CCDC85C: variants seen among roughly 807,000 people sequenced by gnomAD.
CCDC85C encodes the protein coiled-coil domain containing 85C.
In CCDC85C, 18 loss-of-function variants were observed where a neutral mutation model predicts 38.3. The ratio of observed to expected loss-of-function variants is 0.47; its 90% CI spans 0.33 to 0.70. CCDC85C has a LOEUF of 0.70. Among genes scored for constraint, CCDC85C ranks in the 30% least tolerant of loss-of-function variants. The pLI, the probability that CCDC85C is intolerant of heterozygous loss-of-function variation, is 0.03. For synonymous variants in CCDC85C, 264 were observed against 293.8 expected (o/e 0.90, Z 1.04); for missense variants, 566 against 621.2 (o/e 0.91, Z 0.94).
chr14:99,522,421 C>A lies in CCDC85C; in HGVS notation c.868-181G>T, dbSNP rs563052846. ...GCCGGGATCAATCGATCTTCACTCT[C>A]CCCAGCTCAAATGTCAGCGATCCAC... On this transcript the variant is annotated intron_variant, in intron 2 of 5. Coordinates refer to ENST00000380243, the MANE Select transcript of CCDC85C (RefSeq NM_001144995.2). 3 of 538,818 alleles carry A rather than the reference C, an allele frequency of 5.6e-6. No homozygotes were observed. The East Asian group carries it at 9.2e-5, about 16-fold the overall frequency. The allele number at this position is 538,818 out of a possible 1,614,324, so 33.4% of individuals were successfully genotyped here.
intron 1 of CCDC85C, among the ~76,000 whole-genome samples, chr14:99,538,068 C>G (rs572811779): frequency 6.6e-6 from 1 of 152,314 alleles, no homozygotes; most frequent in Admixed American, 6.5e-5. Flanking sequence ...TGGGGTCTCC[C>G]TCTGGGTGGA....
At position 99,548,414 on chromosome 14, in the gene CCDC85C, C is replaced by T. The variant is rs1275532436; in HGVS notation, c.794-12326G>A. Among the ~76,000 whole-genome samples, 1 of 152,042 alleles carries T rather than the reference C, an allele frequency of 6.6e-6. No homozygotes were observed. The highest frequency in any genetic ancestry group is 2.4e-5 in the African/African-American group (1 of 41,394). ...CTGTGTGACGGTGCACACGTAAGAA[C>T]GGGCCACACAGGGGATGCTGATGAT... On this transcript the variant is annotated intron_variant, in intron 1 of 5. Coordinates refer to ENST00000380243, the MANE Select transcript of CCDC85C (RefSeq NM_001144995.2). This position sits in a 1 kb window ranked among gnomAD's most constrained non-coding sequence, Gnocchi z 4.9.
At position 99,572,893 on chromosome 14, in the gene CCDC85C, C is replaced by A; in HGVS notation, c.793+30274G>T. ...AAGGAATGTCTGCCCAAGTCCCAGG[C>A]AGGGTGGGAGGCACGGACCTGAGGC... On this transcript the variant is annotated intron_variant, in intron 1 of 5. Coordinates refer to ENST00000380243, the MANE Select transcript of CCDC85C (RefSeq NM_001144995.2). The surrounding 1 kb of genome is among the most constrained non-coding windows in gnomAD (Gnocchi z 4.4). 4.4e-6 allele frequency: 2 copies of A among 450,582 alleles called. No homozygotes were observed. The highest frequency in any genetic ancestry group is 1.6e-5 in the South Asian group (1 of 63,910). The allele number at this position is 450,582 out of a possible 1,614,324, so 27.9% of individuals were successfully genotyped here. A position where few individuals can be genotyped will look rare whatever the true frequency, so the allele number is the denominator to read the frequency against.
Position 99,503,127 on chromosome 14 carries a change from G to C in CCDC85C, c.*12119C>G. On this transcript the variant is annotated 3_prime_UTR_variant, in exon 6 of 6. Coordinates refer to ENST00000380243, the MANE Select transcript of CCDC85C (RefSeq NM_001144995.2). The stretch of plus-strand genomic sequence containing the variant: ...GAAACTCGCAGTCCGACTGCTTGTC[G>C]GTGGGGAGCCTGAAAACAAAGGTGC... 1.0e-6 allele frequency: 1 copy of C among 957,638 alleles called. No individual in the cohort carries two copies. Among genetic ancestry groups the C allele is most frequent in the South Asian group, 1.3e-5 (1 of 75,500 alleles). The allele number at this position is 957,638 out of a possible 1,614,324, so 59.3% of individuals were successfully genotyped here. A position where few individuals can be genotyped will look rare whatever the true frequency, so the allele number is the denominator to read the frequency against.
chr14:99,566,911 GGCCT>G (rs1041102098), intron 1 of CCDC85C, among the ~76,000 whole-genome samples: 11 of 152,178 alleles, frequency 7.2e-5, no homozygotes, highest in African/African-American at 1.4e-4. Flanking sequence ...TCAAGGTGGC[GGCCT>G]GCCGTGCCCT....
rs1256959978 is a variant in CCDC85C, at chr14:99,544,181, T to G, written c.794-8093A>C. Among the ~76,000 whole-genome samples the G allele has an allele frequency of 2.0e-5, 3 of 152,160 alleles. No individual in the cohort carries two copies. The highest frequency in any genetic ancestry group is 4.4e-5 in the Non-Finnish European group (3 of 68,026). On this transcript the variant is annotated intron_variant, in intron 1 of 5. Coordinates refer to ENST00000380243, the MANE Select transcript of CCDC85C (RefSeq NM_001144995.2). This position sits in a 1 kb window ranked among gnomAD's most constrained non-coding sequence, Gnocchi z 5.3. ...ACAAGGCGCCTGAGACTCAGCGATG[T>G]TAGGCAGCAAGGCCAAGGTCACCCG...
intron 1 of CCDC85C, among the ~76,000 whole-genome samples, chr14:99,587,762 C>T (rs1410116405): frequency 6.6e-6 from 1 of 152,192 alleles, no homozygotes; most frequent in Non-Finnish European, 1.5e-5. Context: ...CTGAGGACCC[C>T]TGTGCCCCCT....
At chr14:99,566,866 C>A (rs1898224904) in intron 1 of CCDC85C, among the ~76,000 whole-genome samples, 2 of 152,038 alleles carry the variant, frequency 1.3e-5, no homozygotes, top group Non-Finnish European at 2.9e-5. Context: ...CCTGCACCCT[C>A]TACTGAAGGG....
Position 99,517,801 on chromosome 14 carries a change from C to G in CCDC85C, c.976-618G>C, listed in dbSNP as rs144086889. Among the ~76,000 whole-genome samples the G allele has an allele frequency of 7.3e-4, 111 of 152,326 alleles. 1 individual carries two copies. Among genetic ancestry groups the G allele is most frequent in the Middle Eastern group, 3.4e-3 (1 of 294 alleles). On this transcript the variant is annotated intron_variant, in intron 3 of 5. Coordinates refer to ENST00000380243, the MANE Select transcript of CCDC85C (RefSeq NM_001144995.2). ...ACCCAGGGGCAGGCAGTCCCACCCC[C>G]AGCTTCCTGCCTGGAAGGGTCCATG...
intron 1 of CCDC85C, among the ~76,000 whole-genome samples, chr14:99,555,536 G>A (rs1483962283): frequency 6.6e-6 from 1 of 152,222 alleles, no homozygotes; most frequent in Non-Finnish European, 1.5e-5. Context: ...ATAAGAGCCA[G>A]GGATTACAGC....
rs563986283 is a variant in CCDC85C, at chr14:99,533,678, C to T, written c.867+2337G>A. Among the ~76,000 whole-genome samples, 1 of 152,348 alleles carries T rather than the reference C, an allele frequency of 6.6e-6. No homozygotes were observed. Among genetic ancestry groups the T allele is most frequent in the South Asian group, 2.1e-4 (1 of 4,834 alleles). On this transcript the variant is annotated intron_variant, in intron 2 of 5. Coordinates refer to ENST00000380243, the MANE Select transcript of CCDC85C (RefSeq NM_001144995.2). This position sits in a 1 kb window ranked among gnomAD's most constrained non-coding sequence, Gnocchi z 4.2. ...TGTGAACAGAGCCCTGCTGCTACCCCCAGGGAGCTGGTGGGAGCAGGCCTG... is the reference window on the plus strand; with the variant it reads ...TGTGAACAGAGCCCTGCTGCTACCCTCAGGGAGCTGGTGGGAGCAGGCCTG...
chr14:99,571,673 G>A (rs1276052691), intron 1 of CCDC85C, among the ~76,000 whole-genome samples: 2 of 152,212 alleles, frequency 1.3e-5, no homozygotes, highest in Non-Finnish European at 2.9e-5. Context: ...TAAGATTTAC[G>A]ATGCCAGCAA....
chr14:99,526,729 C>T (rs886784121), intron 2 of CCDC85C, among the ~76,000 whole-genome samples: 1 of 152,194 alleles, frequency 6.6e-6, no homozygotes, highest in Non-Finnish European at 1.5e-5. Context: ...GTCTGGGTGC[C>T]GAGTAATAAA....
chr14:99,603,196 T>C lies in CCDC85C; in HGVS notation c.764A>G (p.His255Arg). Residue 255 changes from histidine (H) to arginine (R), a missense_variant, in exon 1 of 6, where the codon CAC becomes CGC. Physicochemically the swap from His to Arg is conservative, Grantham distance 29. Around this residue, in one of 3 missense-constraint regions of CCDC85C, gnomAD observed 286 missense variants for 276.4 expected, o/e 1.03. Coordinates refer to ENST00000380243, the MANE Select transcript of CCDC85C (RefSeq NM_001144995.2). This position sits in a 1 kb window ranked among gnomAD's most constrained non-coding sequence, Gnocchi z 7.5. ...RSLDDLSAPP[H>R]HRSIPNGLHD... is the part of the protein sequence containing the mutation. ...CAGGCCGTTGGGGATGCTGCGGTGG[T>C]GCGGCGGCGCCGACAAGTCGTCCAG... is the stretch of plus-strand genomic sequence containing the variant. 2 of 1,422,604 alleles carry C rather than the reference T, an allele frequency of 1.4e-6. No homozygotes were observed. The highest frequency in any genetic ancestry group is 2.8e-5 in the Admixed American group (1 of 36,136). The allele number at this position is 1,422,604 out of a possible 1,614,324, so 88.1% of individuals were successfully genotyped here. A position where few individuals can be genotyped will look rare whatever the true frequency, so the allele number is the denominator to read the frequency against.
At chr14:99,531,507 A>G (rs539452462) in intron 2 of CCDC85C, among the ~76,000 whole-genome samples, 1 of 149,544 alleles carries the variant, frequency 6.7e-6, no homozygotes, top group Admixed American at 6.8e-5. Flanking sequence ...ACGAACAGCA[A>G]TACAGTAATT....
Position 99,510,468 on chromosome 14 carries a change from G to A in CCDC85C, c.*4778C>T. 2 of 1,414,826 alleles carry A rather than the reference G, an allele frequency of 1.4e-6. No homozygotes were observed. The highest frequency in any genetic ancestry group is 2.7e-5 in the East Asian group (1 of 37,600). 87.6% of individuals were successfully genotyped at this position (1,414,826 alleles called of 1,614,324 possible). ...TGCACACCTGCCCTACCACCCCCAT[G>A]TCTACCCGCCCAACCCGCCCCCGCC... On this transcript the variant is annotated 3_prime_UTR_variant, in exon 6 of 6. Transcript: ENST00000380243.
At chr14:99,596,424 C>T (rs995579577) in intron 1 of CCDC85C, among the ~76,000 whole-genome samples, 15 of 152,172 alleles carry the variant, frequency 9.9e-5, no homozygotes, top group African/African-American at 2.9e-4. Flanking sequence ...ACATGCTCCA[C>T]GCCTCTGTTT....
At chr14:99,566,212 T>C (rs905596913) in intron 1 of CCDC85C, among the ~76,000 whole-genome samples, 1 of 152,118 alleles carries the variant, frequency 6.6e-6, no homozygotes, top group African/African-American at 2.4e-5. Flanking sequence ...GACGACTCAC[T>C]CCTGCCAGTC....
chr14:99,586,136 C>T (rs1031803382), intron 1 of CCDC85C, among the ~76,000 whole-genome samples: 20 of 152,340 alleles, frequency 1.3e-4, no homozygotes, highest in African/African-American at 4.8e-4. Flanking sequence ...TGCAGGGCAA[C>T]ACGGGGCCAG....
Sources: gnomAD v4.1 joint callset for allele counts (sites outside exome capture counted in the v4.1 genomes callset) on GRCh38, gnomAD v4.1.1 for gene constraint, gnomAD v4.1.1 regional missense constraint, Gnocchi (gnomAD v3.1) non-coding constraint, MANE v1.5 for transcripts, NCBI Gene and HGNC (gene_info 2026-07-23, HGNC 2026-07-21) for gene names.